The following SPAG6 variants were observed in gnomAD, a reference collection of about 807,000 sequenced individuals.
SPAG6 encodes sperm associated antigen 6, also known as sperm-associated antigen 6.
A neutral mutation model predicts 58.5 loss-of-function variants in SPAG6; 49 were observed. That is an observed-to-expected ratio of 0.84 (90% CI 0.67 to 1.06). The LOEUF is 1.06. Ranked by LOEUF, SPAG6 falls within the 50% of genes least tolerant of loss-of-function variation. The pLI is 0.00. For missense variants in SPAG6, 560 were observed against 611.3 expected, an observed-to-expected ratio of 0.92 and a Z score of 0.89; for synonymous variants, 233 against 225.6, an observed-to-expected ratio of 1.03 and a Z score of -0.29.
chr10:22,389,246 C>T lies in SPAG6; in HGVS notation c.939C>T (p.Gly313=). The change falls in exon 7 of 11, where the codon GGC becomes GGT. Residue 313 remains glycine (G), a synonymous_variant. Coordinates refer to ENST00000376624, the MANE Select transcript of SPAG6 (RefSeq NM_012443.4). Reference sequence around the variant, plus strand: ...GCAAAGGGAACACACGGCTGCCTGGCATCATGATGCTTGGTTATGTAGCAG... The same window carrying T: ...GCAAAGGGAACACACGGCTGCCTGGTATCATGATGCTTGGTTATGTAGCAG... ...GSCKGNTRLP[G]IMMLGYVAAH... 6.2e-7 allele frequency: 1 copy of T among 1,613,030 alleles called. No homozygotes were observed. The highest frequency in any genetic ancestry group is 8.5e-7 in the Non-Finnish European group (1 of 1,179,708).
intron 2 of SPAG6, among the ~76,000 whole-genome samples, chr10:22,347,154 T>C (rs1223405662): frequency 6.6e-6 from 1 of 152,232 alleles, no homozygotes; most frequent in African/African-American, 2.4e-5. Context: ...TGCCCTTTTA[T>C]AGCCACACAC....
intron 8 of SPAG6, among the ~76,000 whole-genome samples, chr10:22,397,976 C>G (rs1428831966): frequency 6.6e-6 from 1 of 152,074 alleles, no homozygotes; most frequent in Non-Finnish European, 1.5e-5. Context: ...AAAAGAAGAA[C>G]TTAACACTCC....
chr10:22,383,551 T>C (rs533581366), intron 4 of SPAG6, among the ~76,000 whole-genome samples: 4 of 151,864 alleles, frequency 2.6e-5, no homozygotes, highest in Non-Finnish European at 5.9e-5. Context: ...AGGCAGAGAA[T>C]TGCTTGAACC....
Position 22,345,662 on chromosome 10 carries a change from T to C in SPAG6, c.25+26T>C, listed in dbSNP as rs1224395438. 2.6e-6 allele frequency: 4 copies of C among 1,564,470 alleles called. No homozygotes were observed. The African/African-American group carries it at 4.1e-5, about 16-fold the overall frequency. On this transcript the variant is annotated intron_variant, in intron 1 of 10. Coordinates refer to ENST00000376624, the MANE Select transcript of SPAG6 (RefSeq NM_012443.4). This position sits in a 1 kb window ranked among gnomAD's most constrained non-coding sequence, Gnocchi z 6.3. ...GTAGGGCCGAGGCGGGCAGGTGCCC[T>C]AACTAGCTGGCGCCGAGGAGACCCG...
chr10:22,372,762 T>TAAA (rs55634830), intron 4 of SPAG6, among the ~76,000 whole-genome samples: 2 of 126,878 alleles, frequency 1.6e-5, no homozygotes, highest in Non-Finnish European at 1.7e-5. Context: ...GAGCTTTAGC[T>TAAA]AAAAAAAAAA....
chr10:22,368,434 T>A, intron 3 of SPAG6, 61 bp from the exon 4 acceptor site: 1 of 1,393,626 alleles, frequency 7.2e-7, no homozygotes. Flanking sequence ...TTGGTCTATT[T>A]TAGATTTTGG....
At chr10:22,375,466 T>C (rs986407639) in intron 4 of SPAG6, among the ~76,000 whole-genome samples, 2 of 152,230 alleles carry the variant, frequency 1.3e-5, no homozygotes, top group Admixed American at 6.5e-5. Flanking sequence ...CTCATCATGT[T>C]AGCTGACTGA....
intron 2 of SPAG6, among the ~76,000 whole-genome samples, chr10:22,354,332 C>T (rs924629990): frequency 6.6e-6 from 1 of 152,134 alleles, no homozygotes; most frequent in Non-Finnish European, 1.5e-5. Context: ...TTCAAGATGC[C>T]TCCTGGACTT....
chr10:22,346,174 C>A, intron 2 of SPAG6: 2 of 1,124,432 alleles, frequency 1.8e-6, no homozygotes, highest in South Asian at 1.5e-5. Flanking sequence ...CTTTGATCAC[C>A]TTCGACTTCC....
chr10:22,397,814 TTGA>T (rs1387608103), intron 8 of SPAG6, among the ~76,000 whole-genome samples: 1 of 152,186 alleles, frequency 6.6e-6, no homozygotes, highest in Non-Finnish European at 1.5e-5. Flanking sequence ...AGACTCAATA[TTGA>T]TAAACTGGCA....
At chr10:22,402,433 T>C (rs987483899) in intron 9 of SPAG6, among the ~76,000 whole-genome samples, 1 of 152,192 alleles carries the variant, frequency 6.6e-6, no homozygotes, top group Non-Finnish European at 1.5e-5. Context: ...TCCCTACAGA[T>C]AAGTTTGCCT....
intron 10 of SPAG6, among the ~76,000 whole-genome samples, chr10:22,415,366 G>A (rs964004842): frequency 2.6e-5 from 4 of 151,960 alleles, no homozygotes; most frequent in Admixed American, 1.3e-4. Flanking sequence ...TCTGGTGTCC[G>A]ATACATTTGA....
intron 8 of SPAG6, among the ~76,000 whole-genome samples, chr10:22,393,612 G>A (rs1380806533): frequency 1.3e-5 from 2 of 152,122 alleles, no homozygotes; most frequent in African/African-American, 4.8e-5. Flanking sequence ...TTAGTACAGT[G>A]TTACTTTCAG....
chr10:22,357,043 T>G (rs982611559), intron 2 of SPAG6, among the ~76,000 whole-genome samples: 1 of 152,202 alleles, frequency 6.6e-6, no homozygotes, highest in Non-Finnish European at 1.5e-5. Flanking sequence ...CACACTGCAT[T>G]CTCAGTTTTG....
At chr10:22,346,208 T>C (rs1162261960) in intron 2 of SPAG6, among the ~76,000 whole-genome samples, 1 of 152,176 alleles carries the variant, frequency 6.6e-6, no homozygotes, top group Non-Finnish European at 1.5e-5. Flanking sequence ...ATTCCAGTGG[T>C]TTAGACGTGA....
At chr10:22,359,081 G>A (rs1836956648) in intron 2 of SPAG6, among the ~76,000 whole-genome samples, 1 of 152,066 alleles carries the variant, frequency 6.6e-6, no homozygotes, top group South Asian at 2.1e-4. Context: ...CTCTCAACAT[G>A]GACAGTCATG....
intron 4 of SPAG6, among the ~76,000 whole-genome samples, chr10:22,384,710 G>GCC (rs983111199): frequency 1.9e-4 from 29 of 152,250 alleles, no homozygotes; most frequent in Middle Eastern, 6.8e-3. Context: ...TTTTTCCACT[G>GCC]CCATCCCCGG....
intron 4 of SPAG6, among the ~76,000 whole-genome samples, chr10:22,369,791 TAATG>T (rs1312696486): frequency 6.6e-6 from 1 of 152,204 alleles, no homozygotes; most frequent in South Asian, 2.1e-4. Flanking sequence ...TTAGTATTAA[TAATG>T]AATGTCAGAG....
At chr10:22,360,910 T>A in intron 2 of SPAG6, 1 of 1,015,818 alleles carries the variant, frequency 9.8e-7, no homozygotes, top group Non-Finnish European at 1.5e-6. Flanking sequence ...CTTCCTTCCT[T>A]CCATTGTCAC....
Sources: gnomAD v4.1 joint callset for allele counts (sites outside exome capture counted in the v4.1 genomes callset) on GRCh38, gnomAD v4.1.1 for gene constraint, Gnocchi (gnomAD v3.1) non-coding constraint, MANE v1.5 for transcripts, NCBI Gene and HGNC (gene_info 2026-07-23, HGNC 2026-07-21) for gene names.